Variants in CSMD1 observed in about 807,000 individuals in gnomAD.
CSMD1 encodes the protein CUB and Sushi multiple domains 1, also known as CUB and sushi domain-containing protein 1.
CSMD1 carries 213 observed loss-of-function variants against 417.5 expected under a neutral mutation model. The ratio of observed to expected loss-of-function variants is 0.51; its 90% CI spans 0.46 to 0.57. The LOEUF (loss-of-function observed/expected upper bound fraction) is 0.57, where lower values mean the gene tolerates loss of function less well. Ranked by LOEUF, CSMD1 falls within the 20% of genes least tolerant of loss-of-function variation. The pLI is 0.00. For synonymous variants in CSMD1, 2,862 were observed against 1,736.8 expected (o/e 1.65, Z -16.11); for missense variants, 6,923 against 4,529.7 (o/e 1.53, Z -15.17).
At chr8:4,949,943 A>G (rs1808628195) in intron 1 of CSMD1, among the ~76,000 whole-genome samples, 1 of 152,028 alleles carries the variant, frequency 6.6e-6, no homozygotes, top group Non-Finnish European at 1.5e-5. Context: ...TTCTATCTAC[A>G]TTGCAAGAAT....
rs1217652 is a variant in CSMD1, at chr8:4,422,801, G to C, written c.303-2736C>G. Reference sequence around the variant, plus strand: ...ATCCTTAACCAAGTAAGAGAAAATAGAAATAGGCAAGATACGAATTATACA... The same window carrying C: ...ATCCTTAACCAAGTAAGAGAAAATACAAATAGGCAAGATACGAATTATACA... On this transcript the variant is annotated intron_variant, in intron 2 of 69. Transcript: ENST00000635120. 7.3e-3 allele frequency among the ~76,000 whole-genome samples: 1,103 copies of C among 152,120 alleles called. 12 individuals are homozygous for C. The highest frequency in any genetic ancestry group is 0.024 in the African/African-American group (1,015 of 41,532).
intron 23 of CSMD1, among the ~76,000 whole-genome samples, chr8:3,312,920 A>G (rs1312152292): frequency 6.6e-6 from 1 of 152,216 alleles, no homozygotes; most frequent in East Asian, 1.9e-4. Flanking sequence ...TGCATGAAGT[A>G]CATTTCAATT....
intron 12 of CSMD1, among the ~76,000 whole-genome samples, chr8:3,441,202 C>A (rs1047328862): frequency 3.3e-5 from 5 of 152,056 alleles, no homozygotes; most frequent in African/African-American, 4.8e-5. Context: ...CCCGGGAGAT[C>A]TGGCAGGGAG....
At chr8:3,384,858 A>T (rs1465645613) in intron 18 of CSMD1, among the ~76,000 whole-genome samples, 1 of 123,442 alleles carries the variant, frequency 8.1e-6, no homozygotes, top group African/African-American at 3.2e-5. Context: ...TATGCTATTT[A>T]TATGTAAATA....
chr8:3,692,166 A>G (rs190658767), intron 7 of CSMD1, among the ~76,000 whole-genome samples: 160 of 152,306 alleles, frequency 1.1e-3, no homozygotes, highest in Admixed American at 2.8e-3. Flanking sequence ...CCATGGCCCT[A>G]CAACATTGTT....
chr8:3,649,347 T>C (rs1429567099), intron 7 of CSMD1, among the ~76,000 whole-genome samples: 2 of 152,180 alleles, frequency 1.3e-5, no homozygotes, highest in Non-Finnish European at 2.9e-5. Flanking sequence ...TTAGAAGAAA[T>C]CTAAATGTCC....
intron 3 of CSMD1, among the ~76,000 whole-genome samples, chr8:4,109,467 T>C (rs2407297): frequency 1.3e-5 from 2 of 152,250 alleles, no homozygotes; most frequent in East Asian, 3.9e-4. Context: ...ACTAAATATG[T>C]AACCCTACTT....
chr8:4,860,379 T>C (rs1026120988), intron 1 of CSMD1, among the ~76,000 whole-genome samples: 1 of 150,948 alleles, frequency 6.6e-6, no homozygotes, highest in African/African-American at 2.4e-5. Context: ...ACCTGCACAA[T>C]GGGCACATGT....
intron 3 of CSMD1, among the ~76,000 whole-genome samples, chr8:4,036,710 G>C (rs1214994920): frequency 6.6e-6 from 1 of 152,182 alleles, no homozygotes; most frequent in Admixed American, 6.5e-5. Flanking sequence ...TGACGTAAAG[G>C]ATCCTTTTGC....
intron 3 of CSMD1, among the ~76,000 whole-genome samples, chr8:4,239,570 C>A (rs7817964): frequency 0.086 from 13,138 of 152,110 alleles, 788 homozygotes; most frequent in East Asian, 0.32. Context: ...ACCCCATAAC[C>A]CTCCAGTAAA....
At chr8:2,993,831 G>T (rs1464431911) in intron 54 of CSMD1, among the ~76,000 whole-genome samples, 4 of 151,950 alleles carry the variant, frequency 2.6e-5, no homozygotes, top group Non-Finnish European at 5.9e-5. Context: ...ATTGAAGAAA[G>T]CAGACAAGGC....
intron 5 of CSMD1, among the ~76,000 whole-genome samples, chr8:3,790,476 C>CTAATGATGATGGTGAGAGTGATGG (rs1799675137): frequency 6.6e-6 from 1 of 151,990 alleles, no homozygotes; most frequent in Non-Finnish European, 1.5e-5. Flanking sequence ...GATGGTGATG[C>CTAATGATGATGGTGAGAGTGATGG]TAATGATGAT....
chr8:4,930,467 G>C (rs943563266), intron 1 of CSMD1, among the ~76,000 whole-genome samples: 5 of 152,068 alleles, frequency 3.3e-5, no homozygotes, highest in African/African-American at 9.7e-5. Flanking sequence ...TAGCTTATTA[G>C]TTTACTCAGC....
In CSMD1 at chr8:3,602,109, T is replaced by C. The variant is rs111509073; in HGVS notation, c.1097+14601A>G. The stretch of plus-strand genomic sequence containing the variant: ...CAACCATATGAATGTGTTAACACCA[T>C]TGAACTGCACACTTAAAATGGTCAG... On this transcript the variant is annotated intron_variant, in intron 8 of 69. Transcript: ENST00000635120. Among the ~76,000 whole-genome samples, 885 of 152,300 alleles carry C rather than the reference T, an allele frequency of 5.8e-3. 10 individuals carry two copies. The highest frequency in any genetic ancestry group is 0.02 in the African/African-American group (812 of 41,554).
At chr8:4,735,368 A>G (rs1381032998) in intron 1 of CSMD1, among the ~76,000 whole-genome samples, 1 of 152,136 alleles carries the variant, frequency 6.6e-6, no homozygotes, top group Non-Finnish European at 1.5e-5. Context: ...TGCCAAGCCC[A>G]TTGTCTTTCT....
intron 3 of CSMD1, among the ~76,000 whole-genome samples, chr8:4,315,487 GGATA>G (rs1249299226): frequency 6.6e-6 from 1 of 151,924 alleles, no homozygotes; most frequent in Non-Finnish European, 1.5e-5. Context: ...TCAAGATAAA[GGATA>G]AATAAAAAGT....
chr8:4,474,686 T>C (rs1388854240), intron 2 of CSMD1, among the ~76,000 whole-genome samples: 1 of 152,106 alleles, frequency 6.6e-6, no homozygotes, highest in Non-Finnish European at 1.5e-5. Flanking sequence ...AACGTGGATC[T>C]CAACTGAGCA....
At chr8:3,723,752 G>T (rs988786909) in intron 6 of CSMD1, among the ~76,000 whole-genome samples, 1 of 152,116 alleles carries the variant, frequency 6.6e-6, no homozygotes, top group Non-Finnish European at 1.5e-5. Context: ...TTTAGATACA[G>T]ACACTAACAT....
At chr8:4,453,922 CA>C (rs1799314326) in intron 2 of CSMD1, among the ~76,000 whole-genome samples, 1 of 145,620 alleles carries the variant, frequency 6.9e-6, no homozygotes, top group Admixed American at 7.1e-5. Flanking sequence ...CCCAGGTTCA[CA>C]GCATTCTCCT....
Sources: gnomAD v4.1 joint callset for allele counts (sites outside exome capture counted in the v4.1 genomes callset) on GRCh38, gnomAD v4.1.1 for gene constraint, MANE v1.5 for transcripts, NCBI Gene and HGNC (gene_info 2026-07-23, HGNC 2026-07-21) for gene names.